CNTN5: variants seen among roughly 807,000 people sequenced by gnomAD.
The protein encoded by CNTN5 is contactin 5, also known as contactin-5.
Under a neutral mutation model 129.1 loss-of-function variants are expected in CNTN5, and 77 were observed. The ratio of observed to expected loss-of-function variants is 0.60; its 90% CI spans 0.50 to 0.72. The LOEUF is 0.72. Ranked by LOEUF, CNTN5 falls within the 30% of genes least tolerant of loss-of-function variation. The pLI, the probability that CNTN5 is intolerant of heterozygous loss-of-function variation, is 0.00. For missense variants in CNTN5, 1,478 were observed against 1,328.8 expected (o/e 1.11, Z -1.75); for synonymous variants, 509 against 465.6 (o/e 1.09, Z -1.20).
chr11:99,112,164 G>A (rs1025708924), intron 1 of CNTN5, among the ~76,000 whole-genome samples: 5 of 151,890 alleles, frequency 3.3e-5, no homozygotes, highest in East Asian at 3.9e-4. Flanking sequence ...ATGTTACACC[G>A]AAGATTTCAA....
intron 13 of CNTN5, among the ~76,000 whole-genome samples, chr11:100,140,918 T>A (rs576081082): frequency 6.6e-6 from 1 of 152,208 alleles, no homozygotes; most frequent in East Asian, 1.9e-4. Context: ...GAAAGGGCAG[T>A]GAGAAGCAAG....
At chr11:99,587,325 A>G (rs755265682) in intron 3 of CNTN5, among the ~76,000 whole-genome samples, 26 of 152,338 alleles carry the variant, frequency 1.7e-4, no homozygotes, top group Middle Eastern at 3.4e-3. Flanking sequence ...TCTTTGGAAG[A>G]AAGTATACAT....
intron 19 of CNTN5, among the ~76,000 whole-genome samples, chr11:100,298,186 A>C (rs182221262): frequency 1.3e-5 from 2 of 151,576 alleles, no homozygotes; most frequent in African/African-American, 4.8e-5. Flanking sequence ...AATGCCTGTT[A>C]GAGTAAATAG....
At chr11:99,033,512 T>G (rs1167440856) in intron 1 of CNTN5, among the ~76,000 whole-genome samples, 1 of 152,156 alleles carries the variant, frequency 6.6e-6, no homozygotes, top group Non-Finnish European at 1.5e-5. Flanking sequence ...TCCTAGGTAT[T>G]TTATTCTCTT....
chr11:100,212,996 G>A (rs534753687), intron 15 of CNTN5, among the ~76,000 whole-genome samples: 3 of 151,950 alleles, frequency 2.0e-5, no homozygotes, highest in Non-Finnish European at 4.4e-5. Context: ...ATTCAAGTCA[G>A]AATTATTCCC....
rs144965305 is a variant in CNTN5, at chr11:99,687,306, T to C, written c.55+131037T>C. Among the ~76,000 whole-genome samples the C allele has an allele frequency of 2.5e-3, 385 of 152,184 alleles. 2 individuals carry two copies. The highest frequency in any genetic ancestry group is 8.8e-3 in the African/African-American group (366 of 41,544). ...ATATTAACAAGGTCAATATAATACCTCTCAGTGTACTGGAACTGTAATTTA... is the reference window on the plus strand; with the variant it reads ...ATATTAACAAGGTCAATATAATACCCCTCAGTGTACTGGAACTGTAATTTA... On this transcript the variant is annotated intron_variant, in intron 3 of 24. Transcript: ENST00000524871.
rs1015177509 is a variant in CNTN5 at position 99,588,091 on chromosome 11, C to T, written c.55+31822C>T. Among the ~76,000 whole-genome samples, 4 of 152,308 alleles carry T rather than the reference C, an allele frequency of 2.6e-5. No homozygotes were observed. The South Asian group carries it at 8.3e-4, about 32-fold the overall frequency. On this transcript the variant is annotated intron_variant, in intron 3 of 24. Coordinates refer to ENST00000524871, the MANE Select transcript of CNTN5 (RefSeq NM_014361.4). ...GGGCGCAGTGGCTCACGCCTGTAAT[C>T]CCGGCACTTTGGGAGGCCGAGGCGG... is the stretch of plus-strand genomic sequence containing the variant.
At chr11:99,248,959 G>A (rs1861959628) in intron 1 of CNTN5, among the ~76,000 whole-genome samples, 1 of 152,026 alleles carries the variant, frequency 6.6e-6, no homozygotes, top group South Asian at 2.1e-4. Context: ...CTCTTTTTTG[G>A]TTCCATATGA....
chr11:99,607,422 TG>T lies in CNTN5; in HGVS notation c.55+51155del, dbSNP rs1474493837. Among the ~76,000 whole-genome samples the T allele has an allele frequency of 8.3e-5, 12 of 143,842 alleles. 1 individual carries two copies. Among genetic ancestry groups the T allele is most frequent in the African/African-American group, 2.3e-4 (9 of 38,728 alleles). 94.4% of individuals were successfully genotyped at this position (143,842 alleles called of 152,430 possible). On this transcript the variant is annotated intron_variant, in intron 3 of 24. Transcript: ENST00000524871. ...AGATATCATCTCACACCAGTTAGAA[TG>T]GCAATCATTAAAAAGTCAGGAAACA...
At chr11:99,484,959 A>G (rs1412538689) in intron 2 of CNTN5, among the ~76,000 whole-genome samples, 1 of 152,110 alleles carries the variant, frequency 6.6e-6, no homozygotes, top group Non-Finnish European at 1.5e-5. Flanking sequence ...AAGGATACAC[A>G]AGATATTTGT....
At chr11:99,590,638 A>G (rs1014487655) in intron 3 of CNTN5, among the ~76,000 whole-genome samples, 1 of 152,256 alleles carries the variant, frequency 6.6e-6, no homozygotes, top group Non-Finnish European at 1.5e-5. Context: ...GAGTCATGGC[A>G]AGAACATTCC....
At chr11:99,585,857 C>A (rs1025779020) in intron 3 of CNTN5, among the ~76,000 whole-genome samples, 1 of 152,068 alleles carries the variant, frequency 6.6e-6, no homozygotes, top group Non-Finnish European at 1.5e-5. Flanking sequence ...ACTGATATAT[C>A]CAAGGAAATT....
intron 20 of CNTN5, among the ~76,000 whole-genome samples, chr11:100,305,933 G>C (rs535071909): frequency 4.1e-4 from 60 of 145,422 alleles, no homozygotes; most frequent in Non-Finnish European, 6.8e-4. Context: ...TAATACTAAC[G>C]ATAGCTGATT....
intron 13 of CNTN5, among the ~76,000 whole-genome samples, chr11:100,138,284 A>G (rs1196969800): frequency 3.3e-5 from 5 of 151,890 alleles, no homozygotes; most frequent in African/African-American, 1.2e-4. Context: ...AACATTTTTG[A>G]GTTAACATTC....
intron 6 of CNTN5, among the ~76,000 whole-genome samples, chr11:99,864,057 G>A (rs1041451655): frequency 1.3e-4 from 20 of 152,092 alleles, no homozygotes; most frequent in African/African-American, 2.7e-4. Context: ...TCCGGACTTC[G>A]CTCACGGATG....
intron 3 of CNTN5, among the ~76,000 whole-genome samples, chr11:99,644,701 A>G (rs985879754): frequency 1.3e-5 from 2 of 152,176 alleles, no homozygotes; most frequent in African/African-American, 4.8e-5. Flanking sequence ...AATATTTACT[A>G]ATTAAGCAAC....
chr11:99,458,573 G>A (rs1291370347), intron 2 of CNTN5, among the ~76,000 whole-genome samples: 1 of 151,844 alleles, frequency 6.6e-6, no homozygotes, highest in East Asian at 1.9e-4. Flanking sequence ...CTAATTTTAG[G>A]AAAAAATAAC....
At chr11:99,391,247 T>C in intron 2 of CNTN5, among the ~76,000 whole-genome samples, 1 of 152,144 alleles carries the variant, frequency 6.6e-6, no homozygotes, top group Non-Finnish European at 1.5e-5. Flanking sequence ...CTGTTAATCG[T>C]AAAAATAGCA....
chr11:99,617,765 T>C (rs928379811), intron 3 of CNTN5, among the ~76,000 whole-genome samples: 3 of 152,070 alleles, frequency 2.0e-5, no homozygotes, highest in African/African-American at 7.2e-5. Context: ...ATGTATAAAA[T>C]GAAACCACTG....
Sources: allele counts gnomAD v4.1 joint callset (sites outside exome capture counted in the v4.1 genomes callset), GRCh38; gene constraint gnomAD v4.1.1; transcripts MANE v1.5; gene names NCBI Gene and HGNC (gene_info 2026-07-23, HGNC 2026-07-21).